The following SHROOM2 variants were observed in gnomAD, a reference collection of about 807,000 sequenced individuals.
The protein encoded by SHROOM2 is shroom family member 2.
A neutral mutation model predicts 75.9 loss-of-function variants in SHROOM2; 33 were observed. The observed-to-expected ratio is 0.43, with a 90% CI of 0.33 to 0.58. The LOEUF (loss-of-function observed/expected upper bound fraction) is 0.58, where lower values mean the gene tolerates loss of function less well. Among genes scored for constraint, SHROOM2 ranks in the 20% least tolerant of loss-of-function variants. The probability of loss-of-function intolerance (pLI) is 0.04; values close to 1 mark genes in which losing one functional copy is unlikely to be tolerated. For missense variants in SHROOM2, 1,434 were observed against 1,461.2 expected (o/e 0.98, Z 0.30); for synonymous variants, 655 against 663.6 (o/e 0.99, Z 0.20).
intron 5 of SHROOM2, among the ~76,000 whole-genome samples, chrX:9,930,397 C>G (rs934840746): frequency 9.2e-6 from 1 of 109,033 alleles, no homozygotes; most frequent in African/African-American, 3.3e-5. Context: ...CACCTGTGGT[C>G]CCAGCTGCTA....
At chrX:9,807,068 G>C (rs1181582801) in intron 1 of SHROOM2, among the ~76,000 whole-genome samples, 2 of 111,567 alleles carry the variant, frequency 1.8e-5, no homozygotes, top group Admixed American at 9.5e-5. Flanking sequence ...GGGAAGGCCT[G>C]CCGGGCCCTG....
chrX:9,792,046 GAATA>G (rs2083656763), intron 1 of SHROOM2, among the ~76,000 whole-genome samples: 1 of 1,021 alleles, frequency 9.8e-4, no homozygotes, highest in Admixed American at 0.017. Context: ...GAATAGAATA[GAATA>G]GAATAGAATA....
chrX:9,797,247 C>T (rs988047608), intron 1 of SHROOM2, among the ~76,000 whole-genome samples: 1 of 112,103 alleles, frequency 8.9e-6, no homozygotes, highest in East Asian at 2.8e-4. Flanking sequence ...TTTACTTTTC[C>T]CCTTCTGGCT....
At position 9,939,152 on chromosome X, in the gene SHROOM2, G is replaced by A. The variant is rs186434130; in HGVS notation, c.4140-43G>A. The A allele has an allele frequency of 4.4e-5, 50 of 1,125,085 alleles. No individual in the cohort carries two copies. In the African/African-American group the frequency reaches 5.5e-4, roughly 12 times the overall value. The allele number at this position is 1,125,085 out of a possible 1,213,427, so 92.7% of individuals were successfully genotyped here. On this transcript the variant is annotated intron_variant, in intron 7 of 9. Coordinates refer to ENST00000380913, the MANE Select transcript of SHROOM2 (RefSeq NM_001649.4). The stretch of plus-strand genomic sequence containing the variant: ...GGGGTGGGGCAGAGGGGCTGTTTGC[G>A]TGCACAGTCCCAGCTCATTGAAGTT...
chrX:9,918,813 C>T (rs887017381), intron 5 of SHROOM2, among the ~76,000 whole-genome samples: 1 of 112,040 alleles, frequency 8.9e-6, no homozygotes, highest in African/African-American at 3.2e-5. Flanking sequence ...TGAGGGTACT[C>T]ATCCATTCCT....
At chrX:9,918,065 T>C (rs765196160) in intron 5 of SHROOM2, among the ~76,000 whole-genome samples, 1 of 111,754 alleles carries the variant, frequency 8.9e-6, no homozygotes, top group Non-Finnish European at 1.9e-5. Context: ...GGGTTTTGTT[T>C]GTCTGTTTGC....
chrX:9,839,392 C>T (rs747680938), intron 1 of SHROOM2, among the ~76,000 whole-genome samples: 5 of 111,412 alleles, frequency 4.5e-5, no homozygotes, highest in South Asian at 7.7e-4. Context: ...GAAAGGAAGC[C>T]GCATTTGCTC....
intron 1 of SHROOM2, among the ~76,000 whole-genome samples, chrX:9,862,204 AATT>A (rs1302103742): frequency 9.0e-6 from 1 of 111,540 alleles, no homozygotes; most frequent in Non-Finnish European, 1.9e-5. Context: ...ATTATCGACG[AATT>A]ATTAACTAGT....
intron 9 of SHROOM2, among the ~76,000 whole-genome samples, chrX:9,946,075 G>A (rs1001445335): frequency 6.2e-5 from 7 of 112,973 alleles, no homozygotes; most frequent in Non-Finnish European, 1.3e-4. Flanking sequence ...CGTGGAACTA[G>A]CTAGGTCAGG....
intron 1 of SHROOM2, among the ~76,000 whole-genome samples, chrX:9,812,196 A>G (rs1336883531): frequency 9.0e-6 from 1 of 111,641 alleles, no homozygotes; most frequent in East Asian, 2.8e-4. Flanking sequence ...CTCCACTGTG[A>G]TTCACTTATG....
chrX:9,833,608 C>CTGTGTGTGTGTGTGTGTGTG lies in SHROOM2; in HGVS notation c.166-40025_166-40006dup, dbSNP rs144161839. 1.9e-3 allele frequency among the ~76,000 whole-genome samples: 185 copies of CTGTGTGTGTGTGTGTGTGTG among 95,366 alleles called. 2 individuals carry two copies. Among genetic ancestry groups the CTGTGTGTGTGTGTGTGTGTG allele is most frequent in the East Asian group, 0.018 (49 of 2,661 alleles). The allele number at this position is 95,366 out of a possible 115,157, so 82.8% of individuals were successfully genotyped here. A position where few individuals can be genotyped will look rare whatever the true frequency, so the allele number is the denominator to read the frequency against. ...CAATGAAGAGACACACAAGTAGACT[C>CTGTGTGTGTGTGTGTGTGTG]TGTGTGTGTGTGTGTGTGTGTGTGT... On this transcript the variant is annotated intron_variant, in intron 1 of 9. Transcript: ENST00000380913.
chrX:9,924,022 C>T (rs2084571204), intron 5 of SHROOM2, among the ~76,000 whole-genome samples: 1 of 112,492 alleles, frequency 8.9e-6, no homozygotes, highest in Non-Finnish European at 1.9e-5. Context: ...TCAAGAAACA[C>T]TAAATTCATC....
chrX:9,843,460 G>A (rs1172546552), intron 1 of SHROOM2, among the ~76,000 whole-genome samples: 4 of 108,890 alleles, frequency 3.7e-5, no homozygotes, highest in Non-Finnish European at 7.6e-5. Context: ...GTGCAGTGGC[G>A]TGATCATAGC....
Position 9,949,168 on chromosome X carries a change from G to C in SHROOM2, c.*2231G>C, listed in dbSNP as rs774480853. On this transcript the variant is annotated 3_prime_UTR_variant, in exon 10 of 10. Coordinates refer to ENST00000380913, the MANE Select transcript of SHROOM2 (RefSeq NM_001649.4). ...TTAGTGGGGACCCAAAGATTCTAGT[G>C]AGTCAACATCCATAACTCTGTATCT... 2.5e-5 allele frequency: 6 copies of C among 243,730 alleles called. No individual in the cohort carries two copies. Among genetic ancestry groups the C allele is most frequent in the Non-Finnish European group, 4.7e-5 (6 of 128,831 alleles). 20.1% of individuals were successfully genotyped at this position (243,730 alleles called of 1,213,427 possible).
chrX:9,884,604 C>T (rs2147007243), intron 2 of SHROOM2, among the ~76,000 whole-genome samples: 1 of 103,315 alleles, frequency 9.7e-6, no homozygotes, highest in African/African-American at 3.6e-5. Flanking sequence ...TGGGCTCAAA[C>T]ATACAGCTGT....
chrX:9,831,185 G>A (rs2083914455), intron 1 of SHROOM2, among the ~76,000 whole-genome samples: 1 of 112,157 alleles, frequency 8.9e-6, no homozygotes, highest in Non-Finnish European at 1.9e-5. Context: ...TGGCACTATC[G>A]ACATTTGGGG....
intron 5 of SHROOM2, among the ~76,000 whole-genome samples, chrX:9,908,999 C>T (rs960612858): frequency 3.3e-5 from 3 of 91,939 alleles, no homozygotes; most frequent in Non-Finnish European, 6.8e-5. Context: ...AAACAGGATT[C>T]CTAGAGCACA....
intron 1 of SHROOM2, among the ~76,000 whole-genome samples, chrX:9,827,189 G>A (rs976882529): frequency 5.7e-5 from 6 of 104,413 alleles, no homozygotes; most frequent in Non-Finnish European, 1.2e-4. Context: ...GGAGGGTTAT[G>A]GTCTTACATG....
chrX:9,825,703 G>T (rs2083884026), intron 1 of SHROOM2, among the ~76,000 whole-genome samples: 1 of 111,859 alleles, frequency 8.9e-6, no homozygotes, highest in African/African-American at 3.2e-5. Context: ...CCATATGTGG[G>T]TGTATGTTTG....
Sources: gnomAD v4.1 joint callset for allele counts (sites outside exome capture counted in the v4.1 genomes callset) on GRCh38, gnomAD v4.1.1 for gene constraint, MANE v1.5 for transcripts, NCBI Gene and HGNC (gene_info 2026-07-23, HGNC 2026-07-21) for gene names.